DLG2: variants seen among roughly 807,000 people sequenced by gnomAD.
DLG2 encodes discs large MAGUK scaffold protein 2, also known as disks large homolog 2.
A neutral mutation model predicts 132.5 loss-of-function variants in DLG2; 45 were observed. That is an observed-to-expected ratio of 0.34 (90% CI 0.27 to 0.44). The LOEUF is 0.44. DLG2 is among the 20% of genes least tolerant of loss of function. The pLI is 1.00. For missense variants in DLG2, 1,045 were observed against 1,196.9 expected, an observed-to-expected ratio of 0.87 and a Z score of 1.87; for synonymous variants, 424 against 419.6, an observed-to-expected ratio of 1.01 and a Z score of -0.13.
At chr11:85,521,332 C>T (rs1290651193) in intron 3 of DLG2, among the ~76,000 whole-genome samples, 6 of 152,212 alleles carry the variant, frequency 3.9e-5, no homozygotes, top group Non-Finnish European at 8.8e-5. Flanking sequence ...CTTCTCTCTC[C>T]TGCCACCATC....
chr11:84,995,910 C>T (rs959623900), intron 6 of DLG2, among the ~76,000 whole-genome samples: 2 of 152,094 alleles, frequency 1.3e-5, no homozygotes, highest in Non-Finnish European at 2.9e-5. Context: ...ATTCTCTCTG[C>T]TTAGTGGCTT....
intron 18 of DLG2, among the ~76,000 whole-genome samples, chr11:83,636,864 A>G (rs141537435): frequency 3.9e-5 from 6 of 152,280 alleles, no homozygotes; most frequent in Non-Finnish European, 7.4e-5. Context: ...CTTAATTGGA[A>G]TCTATCCTGT....
intron 2 of DLG2, among the ~76,000 whole-genome samples, chr11:85,601,886 C>T (rs1265545293): frequency 1.3e-5 from 2 of 152,078 alleles, no homozygotes; most frequent in Non-Finnish European, 2.9e-5. Context: ...AATCTTACTC[C>T]CTGGATAATC....
intron 18 of DLG2, among the ~76,000 whole-genome samples, chr11:83,655,956 C>T (rs757763333): frequency 6.6e-6 from 1 of 152,190 alleles, no homozygotes; most frequent in Non-Finnish European, 1.5e-5. Flanking sequence ...CTCAAAGATG[C>T]CTAAACAGTG....
At chr11:84,009,687 T>G (rs2094776918) in intron 11 of DLG2, among the ~76,000 whole-genome samples, 1 of 152,074 alleles carries the variant, frequency 6.6e-6, no homozygotes, top group Non-Finnish European at 1.5e-5. Flanking sequence ...TTAAAGGTTA[T>G]TCTCTGGAGA....
chr11:83,474,894 G>T (rs1049825523), intron 22 of DLG2, among the ~76,000 whole-genome samples: 2 of 152,156 alleles, frequency 1.3e-5, no homozygotes, highest in Non-Finnish European at 2.9e-5. Flanking sequence ...TCTTTAATAA[G>T]ATATTTGATG....
In DLG2 at chr11:84,867,934, C is replaced by T. The variant is rs559511963; in HGVS notation, c.357+243727G>A. 1.2e-4 allele frequency among the ~76,000 whole-genome samples: 18 copies of T among 151,954 alleles called. 1 individual carries two copies. The highest frequency in any genetic ancestry group is 1.2e-3 in the Admixed American group (18 of 15,256). On this transcript the variant is annotated intron_variant, in intron 6 of 27. Coordinates refer to ENST00000376104, the MANE Select transcript of DLG2 (RefSeq NM_001142699.3). ...CTAAAAATACAAAAAATTAGCCAGGCGTGGTAGCCGGCGCCTGCAGTCCCA... is the reference window on the plus strand; with the variant it reads ...CTAAAAATACAAAAAATTAGCCAGGTGTGGTAGCCGGCGCCTGCAGTCCCA...
intron 6 of DLG2, among the ~76,000 whole-genome samples, chr11:85,103,900 G>T (rs2071280410): frequency 6.6e-6 from 1 of 151,734 alleles, no homozygotes; most frequent in African/African-American, 2.4e-5. Flanking sequence ...TTAAAAATCG[G>T]TATAGGATCT....
intron 6 of DLG2, among the ~76,000 whole-genome samples, chr11:85,111,058 A>G (rs2072651013): frequency 6.6e-6 from 1 of 152,136 alleles, no homozygotes; most frequent in South Asian, 2.1e-4. Context: ...AGTACATGAA[A>G]GGAGAAGTAG....
At chr11:84,877,104 A>G (rs1351389456) in intron 6 of DLG2, among the ~76,000 whole-genome samples, 2 of 152,060 alleles carry the variant, frequency 1.3e-5, no homozygotes, top group Non-Finnish European at 2.9e-5. Context: ...TTTACTTCCA[A>G]TTATGTGGTC....
In DLG2 at chr11:83,746,182, A is replaced by C. The variant is rs554964165; in HGVS notation, c.1825+40508T>G. 2.0e-5 allele frequency among the ~76,000 whole-genome samples: 3 copies of C among 152,348 alleles called. No individual in the cohort carries two copies. The East Asian group carries it at 5.8e-4, about 29-fold the overall frequency. ...AAGACAGTGTGGCGATTCCCCAGGG[A>C]TCTAGAACTAGAAATACCATTTGAC... On this transcript the variant is annotated intron_variant, in intron 18 of 27. Transcript: ENST00000376104.
Position 83,779,958 on chromosome 11 carries a change from C to T in DLG2, c.1825+6732G>A, listed in dbSNP as rs113687705. On this transcript the variant is annotated intron_variant, in intron 18 of 27. Transcript: ENST00000376104. ...AAAACTGGTCTTGTCCAGTCCAAGT[C>T]GTGTACGGTACTTTCTGTTCTGAAA... is the stretch of plus-strand genomic sequence containing the variant. Among the ~76,000 whole-genome samples the T allele has an allele frequency of 1.3e-3, 194 of 152,240 alleles. 1 individual carries two copies. The highest frequency in any genetic ancestry group is 4.3e-3 in the African/African-American group (180 of 41,570).
chr11:85,255,658 T>G (rs1052631184), intron 4 of DLG2, among the ~76,000 whole-genome samples: 26 of 152,230 alleles, frequency 1.7e-4, no homozygotes, highest in Non-Finnish European at 3.4e-4. Flanking sequence ...ATACTTGGAA[T>G]GCAGACATAT....
chr11:85,119,334 G>A (rs1464560162), intron 5 of DLG2, among the ~76,000 whole-genome samples: 1 of 151,842 alleles, frequency 6.6e-6, no homozygotes, highest in East Asian at 1.9e-4. Context: ...TTTTATGGAG[G>A]CATGTCCCAA....
chr11:84,566,267 GTAAT>G (rs1273342301), intron 6 of DLG2, among the ~76,000 whole-genome samples: 1 of 152,174 alleles, frequency 6.6e-6, no homozygotes, highest in East Asian at 1.9e-4. Context: ...CTGGTCTGAA[GTAAT>G]TATTTTTATC....
intron 3 of DLG2, among the ~76,000 whole-genome samples, chr11:85,446,664 G>A (rs2092023451): frequency 2.0e-5 from 3 of 151,978 alleles, no homozygotes; most frequent in African/African-American, 7.2e-5. Flanking sequence ...CTAAAATTAT[G>A]TAGCGTGAAT....
intron 22 of DLG2, among the ~76,000 whole-genome samples, chr11:83,473,860 A>G (rs2092356243): frequency 6.6e-6 from 1 of 152,090 alleles, no homozygotes; most frequent in East Asian, 1.9e-4. Context: ...AAGAGTTAAT[A>G]TGATCGACTG....
intron 18 of DLG2, among the ~76,000 whole-genome samples, chr11:83,647,279 G>A (rs1046667163): frequency 2.0e-5 from 3 of 151,348 alleles, no homozygotes; most frequent in Non-Finnish European, 2.9e-5. Context: ...AAGGGTGGGG[G>A]CGGGGGTATG....
Position 84,396,235 on chromosome 11 carries a change from G to C in DLG2, c.519+138335C>G, listed in dbSNP as rs571114306. Among the ~76,000 whole-genome samples, 9 of 152,228 alleles carry C rather than the reference G, an allele frequency of 5.9e-5. No individual in the cohort carries two copies. In the East Asian group the frequency reaches 1.5e-3, roughly 26 times the overall value. ...CAGCTAAATGAAGAGTTTCCAGGAA[G>C]GACTTTGAAGCTACTCTATATATTC... On this transcript the variant is annotated intron_variant, in intron 7 of 27. Coordinates refer to ENST00000376104, the MANE Select transcript of DLG2 (RefSeq NM_001142699.3).
Sources: gnomAD v4.1 joint callset for allele counts (sites outside exome capture counted in the v4.1 genomes callset) on GRCh38, gnomAD v4.1.1 for gene constraint, MANE v1.5 for transcripts, NCBI Gene and HGNC (gene_info 2026-07-23, HGNC 2026-07-21) for gene names.